The following SIMC1 variants were observed in gnomAD, a reference collection of about 807,000 sequenced individuals.
The protein encoded by SIMC1 is SUMO interacting motifs containing 1, also known as SUMO-interacting motif-containing protein 1.
In SIMC1, 55 loss-of-function variants were observed where a neutral mutation model predicts 82.3. The observed-to-expected ratio is 0.67, with a 90% CI of 0.54 to 0.84. The LOEUF (loss-of-function observed/expected upper bound fraction) is 0.84, where lower values mean the gene tolerates loss of function less well. Ranked by LOEUF, SIMC1 falls within the 40% of genes least tolerant of loss-of-function variation. SIMC1 has a pLI of 0.00. For missense variants in SIMC1, 915 were observed against 1,107.2 expected (o/e 0.83, Z 2.46); for synonymous variants, 353 against 426.3 (o/e 0.83, Z 2.12).
At chr5:176,288,395 C>T (rs1197715323) in intron 1 of SIMC1, among the ~76,000 whole-genome samples, 2 of 148,508 alleles carry the variant, frequency 1.3e-5, no homozygotes, top group Non-Finnish European at 3.0e-5. Context: ...GCTAACAGAG[C>T]GAGACTCCAT....
chr5:176,292,704 C>T (rs1056621953), intron 2 of SIMC1, among the ~76,000 whole-genome samples: 2 of 152,138 alleles, frequency 1.3e-5, no homozygotes, highest in African/African-American at 2.4e-5. Flanking sequence ...CTACCACTTC[C>T]GGCTTTTTGT....
chr5:176,332,868 T>C (rs55819724), intron 7 of SIMC1, among the ~76,000 whole-genome samples: 9,452 of 152,246 alleles, frequency 0.062, 398 homozygotes, highest in African/African-American at 0.12. Context: ...AGCCAAGATA[T>C]AGAACATTTC....
At position 176,290,599 on chromosome 5, in the gene SIMC1, T is replaced by A. The variant is rs1763512982; in HGVS notation, c.1075T>A (p.Ser359Thr). The A allele has an allele frequency of 1.2e-6, 2 of 1,613,828 alleles. No homozygotes were observed. Among genetic ancestry groups the A allele is most frequent in the African/African-American group, 1.3e-5 (1 of 74,906 alleles). Residue 359 changes from serine (S) to threonine (T), a missense_variant, in exon 2 of 10, where the codon TCA becomes ACA. By Grantham distance (58) the Ser-to-Thr change is moderately conservative (BLOSUM62 1). Transcript: ENST00000429602. ...MPHSSGDVTH[S>T]PRDIPHLPGD... The stretch of plus-strand genomic sequence containing the variant: ...ACACTCATCAGGGGACGTGACACAC[T>A]CACCTAGAGACATCCCTCACTTACC...
chr5:176,328,177 C>T (rs1040250689), intron 7 of SIMC1, among the ~76,000 whole-genome samples: 1 of 152,276 alleles, frequency 6.6e-6, no homozygotes, highest in East Asian at 1.9e-4. Flanking sequence ...GCTGGGATTA[C>T]AGGTGTGAGC....
chr5:176,329,496 TAA>T (rs60571584), intron 7 of SIMC1, among the ~76,000 whole-genome samples: 70 of 126,538 alleles, frequency 5.5e-4, no homozygotes, highest in East Asian at 6.9e-4. Flanking sequence ...ACTCCCTCTT[TAA>T]AAAAAAAAAA....
chr5:176,279,342 C>T (rs774027867), intron 1 of SIMC1, among the ~76,000 whole-genome samples: 16 of 152,036 alleles, frequency 1.1e-4, no homozygotes, highest in Middle Eastern at 3.4e-3. Flanking sequence ...TTTTTTATTG[C>T]GTCTATTTGA....
chr5:176,324,229 C>G (rs956512868), intron 6 of SIMC1, among the ~76,000 whole-genome samples: 4 of 152,164 alleles, frequency 2.6e-5, no homozygotes, highest in South Asian at 4.1e-4. Context: ...TACATATTTT[C>G]TCCTGTATCA....
At chr5:176,241,506 A>G (rs1393470697) in intron 1 of SIMC1, among the ~76,000 whole-genome samples, 2 of 150,176 alleles carry the variant, frequency 1.3e-5, no homozygotes, top group East Asian at 2.0e-4. Context: ...TCATTTGTTT[A>G]TTAAGTTCCT....
chr5:176,302,564 A>G (rs1344451050), intron 4 of SIMC1, among the ~76,000 whole-genome samples: 1 of 152,212 alleles, frequency 6.6e-6, no homozygotes, highest in Non-Finnish European at 1.5e-5. Context: ...GCAGTTAGTC[A>G]AGAAAAAGAA....
intron 1 of SIMC1, among the ~76,000 whole-genome samples, chr5:176,284,368 C>G (rs1372455267): frequency 1.3e-5 from 2 of 152,208 alleles, no homozygotes; most frequent in Non-Finnish European, 2.9e-5. Context: ...GATTAAGAAA[C>G]TCACTCAAAA....
intron 1 of SIMC1, among the ~76,000 whole-genome samples, chr5:176,275,873 C>A (rs925056012): frequency 6.6e-6 from 1 of 151,584 alleles, no homozygotes; most frequent in Non-Finnish European, 1.5e-5. Flanking sequence ...ATTCGGTTTG[C>A]TAGTATTTTA....
At chr5:176,252,468 C>T (rs1336403847) in intron 1 of SIMC1, among the ~76,000 whole-genome samples, 1 of 150,060 alleles carries the variant, frequency 6.7e-6, no homozygotes, top group African/African-American at 2.5e-5. Flanking sequence ...GATGGGGTCG[C>T]GGCTGGGCAG....
intron 1 of SIMC1, among the ~76,000 whole-genome samples, chr5:176,285,270 A>G (rs1274161180): frequency 1.3e-5 from 2 of 152,206 alleles, no homozygotes; most frequent in Non-Finnish European, 2.9e-5. Flanking sequence ...CCAGCAGCAC[A>G]TCAAAAAGCT....
chr5:176,301,148 A>C (rs757745122), intron 4 of SIMC1, among the ~76,000 whole-genome samples: 35 of 152,172 alleles, frequency 2.3e-4, no homozygotes, highest in African/African-American at 6.0e-4. Context: ...TCTCATCTTG[A>C]ATTGTAGCTC....
rs1213145031 is a variant in SIMC1 at position 176,279,685 on chromosome 5, G to A, written c.130-9969G>A. On this transcript the variant is annotated intron_variant, in intron 1 of 9. Transcript: ENST00000429602. ...TCTGGTATGTTGTGTCTTTGTTCTCGTTGGTTTCAAAGAACATCTTTATTT... is the reference window on the plus strand; with the variant it reads ...TCTGGTATGTTGTGTCTTTGTTCTCATTGGTTTCAAAGAACATCTTTATTT... Among the ~76,000 whole-genome samples the A allele has an allele frequency of 5.1e-4, 76 of 150,376 alleles. 1 individual carries two copies. The highest frequency in any genetic ancestry group is 1.3e-3 in the African/African-American group (55 of 40,952).
chr5:176,278,035 TGGGC>T (rs1762795645), intron 1 of SIMC1, among the ~76,000 whole-genome samples: 1 of 136,924 alleles, frequency 7.3e-6, no homozygotes, highest in African/African-American at 2.8e-5. Flanking sequence ...TAAATTACCT[TGGGC>T]AGTATGGCCA....
At chr5:176,303,600 G>A (rs560736657) in intron 4 of SIMC1, among the ~76,000 whole-genome samples, 7 of 151,966 alleles carry the variant, frequency 4.6e-5, no homozygotes, top group African/African-American at 1.2e-4. Flanking sequence ...GATTACAGGC[G>A]TGAGCCACCA....
At chr5:176,241,885 T>C (rs1761287228) in intron 1 of SIMC1, among the ~76,000 whole-genome samples, 1 of 151,968 alleles carries the variant, frequency 6.6e-6, no homozygotes, top group Non-Finnish European at 1.5e-5. Context: ...CAACCACAGC[T>C]GCAGACCTCT....
chr5:176,324,814 C>A, intron 7 of SIMC1, 57 bp downstream of exon 7: 1 of 1,485,144 alleles, frequency 6.7e-7, no homozygotes, highest in Non-Finnish European at 9.0e-7. Flanking sequence ...AAAAAAAACT[C>A]TTGGAAATCA....
Sources: gnomAD v4.1 joint callset for allele counts (sites outside exome capture counted in the v4.1 genomes callset) on GRCh38, gnomAD v4.1.1 for gene constraint, MANE v1.5 for transcripts, NCBI Gene and HGNC (gene_info 2026-07-23, HGNC 2026-07-21) for gene names.